Variants in SPMIP2 observed in about 807,000 individuals in gnomAD.
The protein encoded by SPMIP2 is protein SPMIP2.
At chr4:159,034,860 T>C in the SPMIP2 span, among the ~76,000 whole-genome samples, 1 of 151,436 alleles carries the variant, frequency 6.6e-6, no homozygotes, top group Non-Finnish European at 1.5e-5. Flanking sequence ...CATTGTACTC[T>C]AGCCTGGGCG....
the SPMIP2 span, among the ~76,000 whole-genome samples, chr4:158,933,187 A>G: frequency 6.6e-6 from 1 of 152,160 alleles, no homozygotes; most frequent in Non-Finnish European, 1.5e-5. Context: ...TATTTTTAGT[A>G]GAGACAGTGT....
the SPMIP2 span, among the ~76,000 whole-genome samples, chr4:159,060,150 G>T: frequency 0.029 from 4,366 of 152,252 alleles, 99 homozygotes; most frequent in Admixed American, 0.051. Context: ...TTCCAGAATA[G>T]GAACCAAGAC....
At chr4:159,020,064 G>A in the SPMIP2 span, among the ~76,000 whole-genome samples, 1 of 151,594 alleles carries the variant, frequency 6.6e-6, no homozygotes, top group Non-Finnish European at 1.5e-5. Context: ...AGGTTGCAGT[G>A]AGCCGAGATT....
chr4:158,946,426 G>A, the SPMIP2 span, among the ~76,000 whole-genome samples: 2 of 152,118 alleles, frequency 1.3e-5, no homozygotes, highest in Non-Finnish European at 2.9e-5. Flanking sequence ...GGGGGGACCC[G>A]GTGGGAGGTG....
chr4:158,961,041 C>T, the SPMIP2 span, among the ~76,000 whole-genome samples: 42,573 of 151,856 alleles, frequency 0.28, 6,464 homozygotes, highest in Middle Eastern at 0.34. Context: ...TATTGAAAAG[C>T]GTATTGGTCT....
chr4:159,027,891 A>G, the SPMIP2 span, among the ~76,000 whole-genome samples: 1 of 152,190 alleles, frequency 6.6e-6, no homozygotes, highest in African/African-American at 2.4e-5. Context: ...TTTCCTAGAG[A>G]GTATTTCCAA....
the SPMIP2 span, among the ~76,000 whole-genome samples, chr4:159,073,650 A>G: frequency 1.3e-5 from 2 of 152,152 alleles, no homozygotes; most frequent in Non-Finnish European, 2.9e-5. Context: ...TAATCCAGTC[A>G]TTTTTCCCTT....
At chr4:158,977,600 CTTTT>C in the SPMIP2 span, among the ~76,000 whole-genome samples, 26 of 72,380 alleles carry the variant, frequency 3.6e-4, no homozygotes, top group South Asian at 7.3e-4. Context: ...TCCTTCAGTT[CTTTT>C]TTTTTTTTTT....
At chr4:158,974,390 T>C in the SPMIP2 span, among the ~76,000 whole-genome samples, 2 of 152,152 alleles carry the variant, frequency 1.3e-5, no homozygotes, top group African/African-American at 4.8e-5. Flanking sequence ...ACATGTGCCA[T>C]GATGGTTTGC....
At chr4:158,901,252 C>T in the SPMIP2 span, among the ~76,000 whole-genome samples, 720 of 151,354 alleles carry the variant, frequency 4.8e-3, 4 homozygotes, top group Non-Finnish European at 7.7e-3. Context: ...TCTGCCTCAG[C>T]GTCCAGAGTA....
chr4:158,902,736 T>C, the SPMIP2 span, among the ~76,000 whole-genome samples: 1 of 152,248 alleles, frequency 6.6e-6, no homozygotes, highest in Non-Finnish European at 1.5e-5. Flanking sequence ...TGCTGAGAGC[T>C]GCAGTGGGCT....
the SPMIP2 span, among the ~76,000 whole-genome samples, chr4:158,953,541 C>G: frequency 6.6e-6 from 1 of 152,214 alleles, no homozygotes; most frequent in Non-Finnish European, 1.5e-5. Context: ...CCAGAGCCCC[C>G]ACAGAGTCCC....
the SPMIP2 span, among the ~76,000 whole-genome samples, chr4:158,961,680 T>C: frequency 5.3e-5 from 8 of 152,138 alleles, no homozygotes; most frequent in Admixed American, 2.0e-4. Flanking sequence ...AAATTGCATC[T>C]TCTTAATTGG....
chr4:158,915,357 T>C, the SPMIP2 span: 1 of 1,607,822 alleles, frequency 6.2e-7, no homozygotes, highest in Non-Finnish European at 8.5e-7. Context: ...AGGTTTTGGT[T>C]GCCTGGAATA....
chr4:159,025,703 G>C, the SPMIP2 span, among the ~76,000 whole-genome samples: 1 of 151,844 alleles, frequency 6.6e-6, no homozygotes, highest in African/African-American at 2.4e-5. Context: ...CTTCTCAAGA[G>C]AAAAAAACAG....
At chr4:158,915,968 C>T in the SPMIP2 span, among the ~76,000 whole-genome samples, 1 of 152,170 alleles carries the variant, frequency 6.6e-6, no homozygotes, top group African/African-American at 2.4e-5. Flanking sequence ...ATTTGGAAAG[C>T]TGTTGTTTCT....
chr4:158,954,811 G>A, the SPMIP2 span, among the ~76,000 whole-genome samples: 4 of 152,322 alleles, frequency 2.6e-5, no homozygotes, highest in African/African-American at 9.6e-5. Context: ...GGGCTCTTCA[G>A]TAATGGTGAG....
At chr4:159,021,838 C>T in the SPMIP2 span, among the ~76,000 whole-genome samples, 1 of 152,150 alleles carries the variant, frequency 6.6e-6, no homozygotes, top group Non-Finnish European at 1.5e-5. Context: ...TTCCATATCT[C>T]CAAGGGTGTG....
the SPMIP2 span, chr4:158,908,119 G>A: frequency 7.9e-5 from 12 of 152,200 alleles, no homozygotes; most frequent in African/African-American, 2.4e-4. Context: ...CTAATAATTC[G>A]TGCTGAAAAC....
Sources: allele counts gnomAD v4.1 joint callset (sites outside exome capture counted in the v4.1 genomes callset), GRCh38; gene constraint gnomAD v4.1.1; transcripts MANE v1.5; gene names NCBI Gene and HGNC (gene_info 2026-07-23, HGNC 2026-07-21).